FAT3: variants seen among roughly 807,000 people sequenced by gnomAD.
The protein encoded by FAT3 is protocadherin Fat 3.
In FAT3, 95 loss-of-function variants were observed where a neutral mutation model predicts 310.2. The observed-to-expected ratio is 0.31, with a 90% CI of 0.26 to 0.36. The LOEUF (loss-of-function observed/expected upper bound fraction) is 0.36. FAT3 is among the 10% of genes least tolerant of loss of function. The pLI, the probability that FAT3 is intolerant of heterozygous loss-of-function variation, is 1.00. For synonymous variants in FAT3, 2,314 were observed against 2,192.9 expected (o/e 1.06, Z -1.54); for missense variants, 5,408 against 5,715.6 (o/e 0.95, Z 1.74).
At chr11:92,681,568 C>G (rs952930238) in intron 3 of FAT3, among the ~76,000 whole-genome samples, 1 of 152,164 alleles carries the variant, frequency 6.6e-6, no homozygotes, top group Non-Finnish European at 1.5e-5. Flanking sequence ...AAAGACTTTG[C>G]TTTCAGAAGA....
intron 3 of FAT3, among the ~76,000 whole-genome samples, chr11:92,661,248 A>T (rs1222447256): frequency 6.6e-6 from 1 of 152,204 alleles, no homozygotes; most frequent in Non-Finnish European, 1.5e-5. Flanking sequence ...CCAAGTGCAC[A>T]TCAAACACAC....
At chr11:92,735,602 A>ATAGATAG (rs1945321679) in intron 4 of FAT3, among the ~76,000 whole-genome samples, 1 of 150,364 alleles carries the variant, frequency 6.7e-6, no homozygotes, top group Non-Finnish European at 1.5e-5. Context: ...AGATAGATAG[A>ATAGATAG]AATTAATGAC....
intron 2 of FAT3, among the ~76,000 whole-genome samples, chr11:92,431,023 C>T (rs1396266126): frequency 6.6e-6 from 1 of 152,092 alleles, no homozygotes; most frequent in Admixed American, 6.6e-5. Flanking sequence ...TGGGTATATA[C>T]CCAGTAATGG....
intron 3 of FAT3, among the ~76,000 whole-genome samples, chr11:92,578,902 A>G (rs1399658990): frequency 6.6e-6 from 1 of 152,130 alleles, no homozygotes; most frequent in East Asian, 1.9e-4. Flanking sequence ...AAAGGTAATT[A>G]AGTATGTGGC....
chr11:92,560,152 A>T (rs1955170252), intron 3 of FAT3, among the ~76,000 whole-genome samples: 1 of 152,088 alleles, frequency 6.6e-6, no homozygotes, highest in Admixed American at 6.6e-5. Flanking sequence ...ATCATACTGG[A>T]TGTTAAGTGG....
At chr11:92,578,720 C>T (rs187125655) in intron 3 of FAT3, among the ~76,000 whole-genome samples, 19 of 152,280 alleles carry the variant, frequency 1.2e-4, no homozygotes, top group African/African-American at 4.3e-4. Context: ...AGGCCTCACT[C>T]TCCCTGTTTA....
intron 3 of FAT3, among the ~76,000 whole-genome samples, chr11:92,655,632 C>T (rs914012673): frequency 2.0e-5 from 3 of 152,122 alleles, no homozygotes; most frequent in Admixed American, 6.5e-5. Context: ...CCTTGAGGTA[C>T]GCCACAAACC....
chr11:92,380,771 C>T (rs1037529114), intron 2 of FAT3, among the ~76,000 whole-genome samples: 1 of 152,158 alleles, frequency 6.6e-6, no homozygotes, highest in African/African-American at 2.4e-5. Context: ...ATTTTTCACC[C>T]TTATACCCTC....
At chr11:92,828,630 G>C (rs1948159844) in intron 13 of FAT3, among the ~76,000 whole-genome samples, 1 of 152,092 alleles carries the variant, frequency 6.6e-6, no homozygotes, top group South Asian at 2.1e-4. Flanking sequence ...ACTTGCAGGG[G>C]GAAGGGATGG....
intron 6 of FAT3, among the ~76,000 whole-genome samples, chr11:92,772,440 C>T (rs1420749293): frequency 6.6e-6 from 1 of 151,890 alleles, no homozygotes. Context: ...ATGTTGTTAT[C>T]AACATGAAAC....
chr11:92,720,921 GTTATAGCAT>G (rs1944841408), intron 4 of FAT3, among the ~76,000 whole-genome samples: 1 of 152,160 alleles, frequency 6.6e-6, no homozygotes, highest in Non-Finnish European at 1.5e-5. Flanking sequence ...GATTCCAAAT[GTTATAGCAT>G]TCATTTCTTT....
At position 92,832,258 on chromosome 11, in the gene FAT3, C is replaced by T. The variant is rs112519225; in HGVS notation, c.9871+247C>T. On this transcript the variant is annotated intron_variant, in intron 14 of 27. Coordinates refer to ENST00000525166, the MANE Select transcript of FAT3 (RefSeq NM_001367949.2). ...CGTTGAGATGGGAGAATTACTTGAG[C>T]CCAGGAGCTAGAGGCTCTAGTGAGC... is the stretch of plus-strand genomic sequence containing the variant. Among the ~76,000 whole-genome samples, 481 of 152,210 alleles carry T rather than the reference C, an allele frequency of 3.2e-3. 2 individuals are homozygous for T. The highest frequency in any genetic ancestry group is 0.011 in the African/African-American group (449 of 41,508).
chr11:92,457,620 A>G (rs529229744), intron 2 of FAT3, among the ~76,000 whole-genome samples: 3 of 152,336 alleles, frequency 2.0e-5, no homozygotes, highest in Non-Finnish European at 4.4e-5. Context: ...ACCATACATG[A>G]AAGTAAATAA....
Position 92,852,224 on chromosome 11 carries a change from TAGAG to T in FAT3, c.11366-4987_11366-4984del, listed in dbSNP as rs372807412. ...GGACTTAATTTTTTACAATAGTTCA[TAGAG>T]AGGAAAGAACTGCAATGTGGCATAT... On this transcript the variant is annotated intron_variant, in intron 19 of 27. Coordinates refer to ENST00000525166, the MANE Select transcript of FAT3 (RefSeq NM_001367949.2). Among the ~76,000 whole-genome samples the T allele has an allele frequency of 2.0e-4, 31 of 152,312 alleles. No homozygotes were observed. In the East Asian group the frequency reaches 5.0e-3, roughly 25 times the overall value.
chr11:92,805,130 C>T (rs2136198349), intron 10 of FAT3, 23 bp from the exon 11 acceptor site: 2 of 1,598,912 alleles, frequency 1.3e-6, no homozygotes, highest in Non-Finnish European at 1.7e-6. Context: ...TCTTCAAAAG[C>T]TCTTTTGTTT....
rs1184055652 is a variant in FAT3 at position 92,808,695 on chromosome 11, G to T, written c.9248-1148G>T. On this transcript the variant is annotated intron_variant, in intron 12 of 27. Coordinates refer to ENST00000525166, the MANE Select transcript of FAT3 (RefSeq NM_001367949.2). ...AATCCCCGCACTTTGGGAGGCCGAG[G>T]TGGGTGGATCACAAAGTCAGGAGAT... Among the ~76,000 whole-genome samples the T allele has an allele frequency of 5.3e-5, 8 of 152,130 alleles. No individual in the cohort carries two copies. The South Asian group carries it at 1.7e-3, about 32-fold the overall frequency.
intron 4 of FAT3, among the ~76,000 whole-genome samples, chr11:92,737,122 T>C (rs1945370862): frequency 6.6e-6 from 1 of 152,164 alleles, no homozygotes. Context: ...GAAACAGTAA[T>C]ATCTCACAGA....
At chr11:92,690,861 T>G (rs1031418703) in intron 3 of FAT3, among the ~76,000 whole-genome samples, 5 of 152,178 alleles carry the variant, frequency 3.3e-5, no homozygotes, top group Non-Finnish European at 7.3e-5. Context: ...AGTCAGAATC[T>G]TATAGAAGAC....
chr11:92,841,745 C>T (rs1221504004), intron 18 of FAT3, among the ~76,000 whole-genome samples: 1 of 152,162 alleles, frequency 6.6e-6, no homozygotes, highest in East Asian at 1.9e-4. Flanking sequence ...AAGGCTCCCT[C>T]CCCCAGTCCC....
Sources: allele counts gnomAD v4.1 joint callset (sites outside exome capture counted in the v4.1 genomes callset), GRCh38; gene constraint gnomAD v4.1.1; transcripts MANE v1.5; gene names NCBI Gene and HGNC (gene_info 2026-07-23, HGNC 2026-07-21).